WDFY1: variants seen among roughly 807,000 people sequenced by gnomAD.
The protein encoded by WDFY1 is WD repeat and FYVE domain-containing protein 1.
WDFY1 carries 32 observed loss-of-function variants against 56.4 expected under a neutral mutation model. The observed-to-expected ratio is 0.57, with a 90% CI of 0.43 to 0.76. The LOEUF is 0.76. WDFY1 is among the 30% of genes least tolerant of loss of function. WDFY1 has a pLI of 0.00. For synonymous variants in WDFY1, 192 were observed against 197.3 expected, an observed-to-expected ratio of 0.97 and a Z score of 0.23; for missense variants, 480 against 545.7, an observed-to-expected ratio of 0.88 and a Z score of 1.20.
rs971035737 is a variant in WDFY1, at chr2:223,878,410, C to T, written c.*261G>A. 1.3e-5 allele frequency: 5 copies of T among 374,664 alleles called. No individual in the cohort carries two copies. Among genetic ancestry groups the T allele is most frequent in the Middle Eastern group, 7.7e-4 (1 of 1,296 alleles). The allele number at this position is 374,664 out of a possible 1,614,324, so 23.2% of individuals were successfully genotyped here. A position where few individuals can be genotyped will look rare whatever the true frequency, so the allele number is the denominator to read the frequency against. On this transcript the variant is annotated 3_prime_UTR_variant, in exon 12 of 12. Transcript: ENST00000233055. ...TTTGCTAGCTCATTCTTTCACTACACATTAGCTGTTCATGGGGAAGTTTTG... is the reference window on the plus strand; with the variant it reads ...TTTGCTAGCTCATTCTTTCACTACATATTAGCTGTTCATGGGGAAGTTTTG...
Position 223,895,632 on chromosome 2 carries a change from T to G in WDFY1, c.599-2A>C. 1 of 1,613,634 alleles carries G rather than the reference T, an allele frequency of 6.2e-7. No individual in the cohort carries two copies. Among genetic ancestry groups the G allele is most frequent in the Non-Finnish European group, 8.5e-7 (1 of 1,179,828 alleles). On this transcript the variant is annotated splice_acceptor_variant, in intron 6 of 11. Transcript: ENST00000233055. LOFTEE classifies it high-confidence loss of function. ...CCCACCAGAGGCAGGCGACACTACC[T>G]AGGGATTTGTGAGAGAGAGAGAGAG...
rs141297404 is a variant in WDFY1, at chr2:223,939,605, G to A, written c.137+5543C>T. On this transcript the variant is annotated intron_variant, in intron 1 of 11. Transcript: ENST00000233055. ...ATGTCTTACATGGTAGCAGACAAGA[G>A]AGAAATAGGAACCAAGCCAAAGGGG... Among the ~76,000 whole-genome samples, 101 of 152,318 alleles carry A rather than the reference G, an allele frequency of 6.6e-4. No homozygotes were observed. In the South Asian group the frequency reaches 0.011, roughly 17 times the overall value.
chr2:223,881,745 G>A (rs527371851), intron 10 of WDFY1, among the ~76,000 whole-genome samples, 197 bp downstream of exon 10: 16 of 152,132 alleles, frequency 1.1e-4, no homozygotes, highest in South Asian at 8.3e-4. Flanking sequence ...CCGAGATCAC[G>A]CCACTGCACT....
At chr2:223,931,043 C>T (rs1178294797) in intron 1 of WDFY1, among the ~76,000 whole-genome samples, 1 of 152,184 alleles carries the variant, frequency 6.6e-6, no homozygotes, top group Non-Finnish European at 1.5e-5. Context: ...TAACTGACAC[C>T]ATGCTTTCTG....
intron 7 of WDFY1, 174 bp from the exon 8 acceptor site, chr2:223,894,513 C>A: frequency 1.6e-6 from 1 of 623,660 alleles, no homozygotes; most frequent in Admixed American, 2.8e-5. Flanking sequence ...TTTTATAACT[C>A]ATAATACAGA....
At chr2:223,884,592 A>T in intron 9 of WDFY1, 56 bp downstream of exon 9, 1 of 1,531,630 alleles carries the variant, frequency 6.5e-7, no homozygotes, top group Non-Finnish European at 9.0e-7. Context: ...CAGATTAAGT[A>T]TGCAAATAGT....
rs368146452 is a variant in WDFY1, at chr2:223,877,546, T to A, written c.*1125A>T. The A allele has an allele frequency of 6.6e-6, 1 of 152,202 alleles. No homozygotes were observed. Among genetic ancestry groups the A allele is most frequent in the East Asian group, 1.9e-4 (1 of 5,194 alleles). The allele number at this position is 152,202 out of a possible 1,614,324, so 9.4% of individuals were successfully genotyped here. ...GTGCCCAAAAGCTTTAGAAATGCCA[T>A]TATGAACAATAGCTTTTGCTAGTTG... On this transcript the variant is annotated 3_prime_UTR_variant, in exon 12 of 12. Transcript: ENST00000233055.
At chr2:223,934,733 C>T (rs2106102920) in intron 1 of WDFY1, among the ~76,000 whole-genome samples, 1 of 152,230 alleles carries the variant, frequency 6.6e-6, no homozygotes, top group South Asian at 2.1e-4. Flanking sequence ...GTTGGCCAGG[C>T]TGGTCTCCAA....
chr2:223,884,593 T>C (rs923674871), intron 9 of WDFY1, 55 bp downstream of exon 9: 24 of 1,540,256 alleles, frequency 1.6e-5, no homozygotes, highest in Non-Finnish European at 1.8e-5. Context: ...AGATTAAGTA[T>C]GCAAATAGTG....
intron 1 of WDFY1, among the ~76,000 whole-genome samples, chr2:223,944,026 T>C (rs1372366995): frequency 6.6e-6 from 1 of 152,250 alleles, no homozygotes; most frequent in East Asian, 1.9e-4. Context: ...ATGTTAGTTT[T>C]CCTAATAAAT....
intron 1 of WDFY1, among the ~76,000 whole-genome samples, chr2:223,927,769 C>G (rs1034424237): frequency 7.2e-5 from 11 of 152,172 alleles, no homozygotes; most frequent in African/African-American, 2.7e-4. Context: ...TTTTGATGTG[C>G]CTTCCTCACT....
intron 1 of WDFY1, among the ~76,000 whole-genome samples, chr2:223,932,639 G>T (rs555642306): frequency 6.6e-6 from 1 of 151,912 alleles, no homozygotes; most frequent in African/African-American, 2.4e-5. Context: ...GATAAAAAGA[G>T]ATCATTCAAT....
intron 6 of WDFY1, among the ~76,000 whole-genome samples, chr2:223,898,075 C>G (rs1693429422): frequency 6.6e-6 from 1 of 152,100 alleles, no homozygotes; most frequent in Admixed American, 6.5e-5. Context: ...CTAATGAAAC[C>G]TCTTTATTAC....
intron 5 of WDFY1, 126 bp from the exon 6 acceptor site, chr2:223,899,196 T>C: frequency 1.5e-6 from 1 of 679,144 alleles, no homozygotes; most frequent in Non-Finnish European, 2.6e-6. Flanking sequence ...AGAATAAGCA[T>C]ACACGTAAAA....
At chr2:223,923,340 T>C (rs1693921652) in intron 1 of WDFY1, among the ~76,000 whole-genome samples, 1 of 152,232 alleles carries the variant, frequency 6.6e-6, no homozygotes, top group Admixed American at 6.5e-5. Flanking sequence ...TAGTTTTAAG[T>C]TGGGCCACTT....
At chr2:223,944,311 G>C (rs1689364973) in intron 1 of WDFY1, among the ~76,000 whole-genome samples, 1 of 152,250 alleles carries the variant, frequency 6.6e-6, no homozygotes, top group African/African-American at 2.4e-5. Context: ...ATTTGGAACT[G>C]ACCCGGGAGG....
chr2:223,895,933 G>T (rs148650407), intron 6 of WDFY1, among the ~76,000 whole-genome samples: 7 of 151,822 alleles, frequency 4.6e-5, no homozygotes, highest in Non-Finnish European at 7.4e-5. Flanking sequence ...CAAGGAGGGC[G>T]AATCACTTGA....
At chr2:223,929,111 G>GT (rs1559174620) in intron 1 of WDFY1, among the ~76,000 whole-genome samples, 2 of 151,602 alleles carry the variant, frequency 1.3e-5, no homozygotes, top group Non-Finnish European at 2.9e-5. Flanking sequence ...GGGCCTGAAA[G>GT]TTATAAGGCA....
chr2:223,943,773 GC>G (rs1231093836), intron 1 of WDFY1, among the ~76,000 whole-genome samples: 5 of 152,172 alleles, frequency 3.3e-5, no homozygotes. Context: ...AATCACTCAG[GC>G]CCAGAGCTGG....
Sources: allele counts gnomAD v4.1 joint callset (sites outside exome capture counted in the v4.1 genomes callset), GRCh38; gene constraint gnomAD v4.1.1; transcripts MANE v1.5; gene names NCBI Gene and HGNC (gene_info 2026-07-23, HGNC 2026-07-21).